The following LIFR variants were observed in gnomAD, a reference collection of about 807,000 sequenced individuals.
LIFR encodes leukemia inhibitory factor receptor.
In LIFR, 84 loss-of-function variants were observed where a neutral mutation model predicts 122.2. That is an observed-to-expected ratio of 0.69 (90% confidence interval 0.58 to 0.82). The LOEUF (loss-of-function observed/expected upper bound fraction) is 0.82, where lower values mean the gene tolerates loss of function less well. Among genes scored for constraint, LIFR ranks in the 40% least tolerant of loss-of-function variants. The pLI is 0.00. For synonymous variants in LIFR, 422 were observed against 434.7 expected, an observed-to-expected ratio of 0.97 and a Z score of 0.36; for missense variants, 1,294 against 1,311.6, an observed-to-expected ratio of 0.99 and a Z score of 0.21.
In LIFR at chr5:38,523,600, A is replaced by G; in HGVS notation, c.398-18T>C. On this transcript the variant is annotated intron_variant, in intron 4 of 19. Coordinates refer to ENST00000453190, the MANE Select transcript of LIFR (RefSeq NM_001127671.2). ...AATTAAGGCTTTAAAAAGAGGAAAC[A>G]AAAGAGAAAACTTAGTAAAATAAGT... 6.3e-7 allele frequency: 1 copy of G among 1,598,604 alleles called. No individual in the cohort carries two copies. The highest frequency in any genetic ancestry group is 2.2e-5 in the East Asian group (1 of 44,748).
At chr5:38,486,554 C>G (rs1007723009) in intron 16 of LIFR, among the ~76,000 whole-genome samples, 2 of 151,960 alleles carry the variant, frequency 1.3e-5, no homozygotes, top group Non-Finnish European at 2.9e-5. Context: ...AAAATTTAAC[C>G]AGAATAATGC....
intron 1 of LIFR, among the ~76,000 whole-genome samples, chr5:38,534,509 A>AG (rs775503962): frequency 6.6e-6 from 1 of 152,216 alleles, no homozygotes; most frequent in South Asian, 2.1e-4. Flanking sequence ...GCAGTAACAA[A>AG]GATGTATGCA....
chr5:38,546,834 C>T (rs1030659913), intron 1 of LIFR, among the ~76,000 whole-genome samples: 10 of 152,220 alleles, frequency 6.6e-5, no homozygotes, highest in African/African-American at 2.4e-4. Context: ...GTGGAATGTA[C>T]TGAGTTCAGC....
upstream of LIFR, among the ~76,000 whole-genome samples, chr5:38,596,620 A>G (rs2071233): frequency 7.7e-3 from 1,175 of 152,280 alleles, 97 homozygotes; most frequent in East Asian, 0.18. Flanking sequence ...CGCCCTTACC[A>G]TTCATCCACA....
intron 1 of LIFR, among the ~76,000 whole-genome samples, chr5:38,583,642 G>A (rs1749657676): frequency 6.6e-6 from 1 of 152,152 alleles, no homozygotes; most frequent in Admixed American, 6.6e-5. Flanking sequence ...AAGGGGTAAA[G>A]AAGCTAAACA....
rs754796066 is a variant in LIFR, at chr5:38,477,947, G to C, written c.*3648C>G. ...ATAGAGAATAGCAAAAATAACCTTAGAGCAAACAAAAAATTTTATTAGATT... is the reference window on the plus strand; with the variant it reads ...ATAGAGAATAGCAAAAATAACCTTACAGCAAACAAAAAATTTTATTAGATT... On this transcript the variant is annotated 3_prime_UTR_variant, in exon 20 of 20. Coordinates refer to ENST00000453190, the MANE Select transcript of LIFR (RefSeq NM_001127671.2). 2.9e-5 allele frequency: 6 copies of C among 208,492 alleles called. No homozygotes were observed. The highest frequency in any genetic ancestry group is 1.2e-4 in the Admixed American group (2 of 16,848). 12.9% of individuals were successfully genotyped at this position (208,492 alleles called of 1,614,324 possible). A position where few individuals can be genotyped will look rare whatever the true frequency, so the allele number is the denominator to read the frequency against.
intron 14 of LIFR, among the ~76,000 whole-genome samples, chr5:38,493,055 A>G (rs1261382266): frequency 2.0e-5 from 3 of 152,072 alleles, no homozygotes; most frequent in African/African-American, 7.2e-5. Context: ...TCCCACCCAC[A>G]CTGCGCTCAG....
Position 38,550,269 on chromosome 5 carries a change from A to G in LIFR, c.-20+6065T>C, listed in dbSNP as rs912462248. On this transcript the variant is annotated intron_variant, in intron 1 of 19. Coordinates refer to ENST00000453190, the MANE Select transcript of LIFR (RefSeq NM_001127671.2). The stretch of plus-strand genomic sequence containing the variant: ...TCCCCATATGGCCATAAATTTTTAA[A>G]ATAGCTGAGCTATTGATAAAGCACA... 9 of 964,134 alleles carry G rather than the reference A, an allele frequency of 9.3e-6. No individual in the cohort carries two copies. In the African/African-American group the frequency reaches 1.4e-4, roughly 15 times the overall value. The allele number at this position is 964,134 out of a possible 1,614,324, so 59.7% of individuals were successfully genotyped here.
intron 1 of LIFR, among the ~76,000 whole-genome samples, chr5:38,581,870 A>G (rs930550461): frequency 6.6e-6 from 1 of 152,158 alleles, no homozygotes; most frequent in Non-Finnish European, 1.5e-5. Flanking sequence ...AGTATCCTAT[A>G]TTTGAAATGC....
rs575225480 is a variant in LIFR at position 38,530,767 on chromosome 5, A to T, written c.-19-101T>A. The T allele has an allele frequency of 2.5e-4, 266 of 1,058,132 alleles. 2 individuals carry two copies. The highest frequency in any genetic ancestry group is 1.3e-3 in the South Asian group (99 of 78,276). 65.5% of individuals were successfully genotyped at this position (1,058,132 alleles called of 1,614,324 possible). A position where few individuals can be genotyped will look rare whatever the true frequency, so the allele number is the denominator to read the frequency against. On this transcript the variant is annotated intron_variant, in intron 1 of 19. Transcript: ENST00000453190. ...CAAATAGATTCTGACAGATTCTGAA[A>T]CACTGTACATTTAGAGACTTTGGAG...
At chr5:38,526,558 C>T (rs962567749) in intron 4 of LIFR, among the ~76,000 whole-genome samples, 3 of 152,014 alleles carry the variant, frequency 2.0e-5, no homozygotes, top group Admixed American at 6.6e-5. Flanking sequence ...AGATCCAGAT[C>T]CTCTAAAGGA....
intron 5 of LIFR, among the ~76,000 whole-genome samples, chr5:38,522,552 C>G (rs1746457952): frequency 6.6e-6 from 1 of 152,106 alleles, no homozygotes; most frequent in Admixed American, 6.5e-5. Context: ...GAAATACTTA[C>G]CAATATATTA....
rs976164396 is a variant in LIFR, at chr5:38,478,746, ATG to A, written c.*2847_*2848del. 5 of 216,396 alleles carry A rather than the reference ATG, an allele frequency of 2.3e-5. No individual in the cohort carries two copies. The highest frequency in any genetic ancestry group is 1.1e-4 in the African/African-American group (5 of 44,542). The allele number at this position is 216,396 out of a possible 1,614,324, so 13.4% of individuals were successfully genotyped here. A position where few individuals can be genotyped will look rare whatever the true frequency, so the allele number is the denominator to read the frequency against. ...GAATTGACTTGTAAGAGAGGTAAAA[ATG>A]TGTCTTACATGAATTACTATCCCAC... On this transcript the variant is annotated 3_prime_UTR_variant, in exon 20 of 20. Transcript: ENST00000453190.
At chr5:38,590,022 G>T (rs900657629) in intron 1 of LIFR, among the ~76,000 whole-genome samples, 4 of 152,138 alleles carry the variant, frequency 2.6e-5, no homozygotes, top group African/African-American at 9.7e-5. Context: ...CAAACCAATG[G>T]TTTTTCTAAG....
intron 1 of LIFR, among the ~76,000 whole-genome samples, chr5:38,588,265 T>TC (rs1749812727): frequency 6.6e-6 from 1 of 152,162 alleles, no homozygotes; most frequent in Admixed American, 6.5e-5. Flanking sequence ...CCTAGAACTG[T>TC]CCTCTGGGAA....
At chr5:38,575,140 GATGAATCTCACAA>G (rs1332606420) in intron 1 of LIFR, among the ~76,000 whole-genome samples, 2 of 152,154 alleles carry the variant, frequency 1.3e-5, no homozygotes, top group Non-Finnish European at 2.9e-5. Flanking sequence ...TAACAACACA[GATGAATCTCACAA>G]ATGTGATGTT....
Position 38,545,669 on chromosome 5 carries a change from T to C in LIFR, c.-20+10665A>G, listed in dbSNP as rs1364051775. Among the ~76,000 whole-genome samples, 3 of 152,084 alleles carry C rather than the reference T, an allele frequency of 2.0e-5. No individual in the cohort carries two copies. The South Asian group carries it at 6.2e-4, about 32-fold the overall frequency. ...CGAGGTCAGGAAATCAAGACCATCC[T>C]GGCTAACACAGTGAAACCCTGTGTC... On this transcript the variant is annotated intron_variant, in intron 1 of 19. Coordinates refer to ENST00000453190, the MANE Select transcript of LIFR (RefSeq NM_001127671.2).
rs1328266896 is a variant in LIFR, at chr5:38,478,812, T to C, written c.*2783A>G. ...CATAATGCTAGTTTGACAATTAGAT[T>C]TTTCTAACCAATGACTGGGCTTTCA... On this transcript the variant is annotated 3_prime_UTR_variant, in exon 20 of 20. Coordinates refer to ENST00000453190, the MANE Select transcript of LIFR (RefSeq NM_001127671.2). 2 of 221,032 alleles carry C rather than the reference T, an allele frequency of 9.0e-6. No individual in the cohort carries two copies. The highest frequency in any genetic ancestry group is 1.8e-5 in the Non-Finnish European group (2 of 110,154). 13.7% of individuals were successfully genotyped at this position (221,032 alleles called of 1,614,324 possible). A position where few individuals can be genotyped will look rare whatever the true frequency, so the allele number is the denominator to read the frequency against.
rs1309645307 is a variant in LIFR, at chr5:38,501,247, T to C, written c.1600+1390A>G. Among the ~76,000 whole-genome samples the C allele has an allele frequency of 2.6e-5, 4 of 152,226 alleles. No homozygotes were observed. In the South Asian group the frequency reaches 8.3e-4, roughly 32 times the overall value. ...TATCCTCCCTCTCTGTACTCATGCA[T>C]AGCTTTCACTTTTGATGATACAAGT... On this transcript the variant is annotated intron_variant, in intron 11 of 19. Coordinates refer to ENST00000453190, the MANE Select transcript of LIFR (RefSeq NM_001127671.2).
Sources: gnomAD v4.1 joint callset for allele counts (sites outside exome capture counted in the v4.1 genomes callset) on GRCh38, gnomAD v4.1.1 for gene constraint, MANE v1.5 for transcripts, NCBI Gene and HGNC (gene_info 2026-07-23, HGNC 2026-07-21) for gene names.